The following PTPRM variants were observed in gnomAD, a reference collection of about 807,000 sequenced individuals.
PTPRM encodes protein tyrosine phosphatase receptor type M.
Under a neutral mutation model 186.7 loss-of-function variants are expected in PTPRM, and 47 were observed. The observed-to-expected ratio is 0.25, with a 90% CI of 0.20 to 0.32. The LOEUF (loss-of-function observed/expected upper bound fraction) is 0.32. Among genes scored for constraint, PTPRM ranks in the 10% least tolerant of loss-of-function variants. The pLI is 1.00. For synonymous variants in PTPRM, 668 were observed against 674.9 expected, an observed-to-expected ratio of 0.99 and a Z score of 0.16; for missense variants, 1,494 against 1,865.0, an observed-to-expected ratio of 0.80 and a Z score of 3.66.
chr18:7,913,747 C>A (rs894807686), intron 4 of PTPRM, among the ~76,000 whole-genome samples: 1 of 151,988 alleles, frequency 6.6e-6, no homozygotes, highest in South Asian at 2.1e-4. Flanking sequence ...ATATATGATG[C>A]CTTCAATTCT....
chr18:7,917,383 A>G (rs946948808), intron 4 of PTPRM, among the ~76,000 whole-genome samples: 3 of 151,994 alleles, frequency 2.0e-5, no homozygotes, highest in Non-Finnish European at 2.9e-5. Context: ...AATACAAAAA[A>G]CAATTAGCCA....
chr18:7,772,395 C>CT (rs1246819029), intron 1 of PTPRM, among the ~76,000 whole-genome samples: 2 of 95,918 alleles, frequency 2.1e-5, no homozygotes. Flanking sequence ...TTCTTTCTTT[C>CT]TTTCTTTCTT....
At chr18:8,074,142 AGGCATAC>A (rs1166528782) in intron 8 of PTPRM, among the ~76,000 whole-genome samples, 1 of 152,200 alleles carries the variant, frequency 6.6e-6, no homozygotes, top group African/African-American at 2.4e-5. Flanking sequence ...TCAAAAAAAT[AGGCATAC>A]TATCTATGAG....
At chr18:8,131,622 A>G (rs2092510370) in intron 13 of PTPRM, among the ~76,000 whole-genome samples, 1 of 152,312 alleles carries the variant, frequency 6.6e-6, no homozygotes, top group Admixed American at 6.5e-5. Context: ...TTTCAACAGC[A>G]TCAGTTCTCA....
intron 3 of PTPRM, among the ~76,000 whole-genome samples, chr18:7,905,399 G>T (rs1267170315): frequency 2.6e-5 from 4 of 152,128 alleles, no homozygotes; most frequent in Admixed American, 6.5e-5. Flanking sequence ...CTCTTCTCTT[G>T]CTTCTCCAAT....
At chr18:8,103,823 A>T (rs896242678) in intron 11 of PTPRM, among the ~76,000 whole-genome samples, 1 of 152,264 alleles carries the variant, frequency 6.6e-6, no homozygotes, top group South Asian at 2.1e-4. Flanking sequence ...GGCTTTTGAC[A>T]TGCCTTCCTC....
At chr18:7,723,627 C>CG in intron 1 of PTPRM, among the ~76,000 whole-genome samples, 1 of 152,264 alleles carries the variant, frequency 6.6e-6, no homozygotes, top group South Asian at 2.1e-4. Flanking sequence ...CTCTGCCCAC[C>CG]AGCTTGTAGG....
chr18:7,793,733 G>A (rs1322212286), intron 2 of PTPRM, among the ~76,000 whole-genome samples: 1 of 152,110 alleles, frequency 6.6e-6, no homozygotes, highest in African/African-American at 2.4e-5. Context: ...TGTGCTCAGG[G>A]ACCTAGGTGA....
At chr18:7,840,075 G>A (rs1172962526) in intron 2 of PTPRM, among the ~76,000 whole-genome samples, 1 of 139,912 alleles carries the variant, frequency 7.1e-6, no homozygotes, top group African/African-American at 2.6e-5. Flanking sequence ...GGGGTGGGGG[G>A]TGGGGTGGAG....
At chr18:7,608,473 C>G (rs1195231750) in intron 1 of PTPRM, among the ~76,000 whole-genome samples, 1 of 152,012 alleles carries the variant, frequency 6.6e-6, no homozygotes, top group Non-Finnish European at 1.5e-5. Context: ...CTTTTTCTTT[C>G]CTTTGAAGCT....
chr18:7,864,951 T>G (rs952216947), intron 2 of PTPRM, among the ~76,000 whole-genome samples: 2 of 152,178 alleles, frequency 1.3e-5, no homozygotes, highest in Admixed American at 1.3e-4. Context: ...TTTATTTTCC[T>G]TGTAGCAATT....
At chr18:8,298,863 T>G (rs2095124753) in intron 20 of PTPRM, among the ~76,000 whole-genome samples, 1 of 152,130 alleles carries the variant, frequency 6.6e-6, no homozygotes. Context: ...CTTGTAATCT[T>G]AGCACTTTGA....
At chr18:8,356,937 G>C (rs887473952) in intron 23 of PTPRM, among the ~76,000 whole-genome samples, 1 of 152,232 alleles carries the variant, frequency 6.6e-6, no homozygotes, top group Non-Finnish European at 1.5e-5. Flanking sequence ...GTTTATATGA[G>C]AGATATTTTC....
intron 21 of PTPRM, 67 bp from the exon 22 acceptor site, chr18:8,319,111 A>G (rs2095329157): frequency 9.1e-7 from 1 of 1,099,326 alleles, no homozygotes; most frequent in Non-Finnish European, 1.4e-6. Flanking sequence ...CAGCAAAGTT[A>G]GCATGCGACT....
intron 1 of PTPRM, among the ~76,000 whole-genome samples, chr18:7,592,025 A>C (rs1336303374): frequency 6.6e-6 from 1 of 152,204 alleles, no homozygotes; most frequent in Non-Finnish European, 1.5e-5. Context: ...CAGCATTATC[A>C]CAACAGTAAT....
At chr18:7,833,722 G>A (rs2377576) in intron 2 of PTPRM, among the ~76,000 whole-genome samples, 79,270 of 151,462 alleles carry the variant, frequency 0.52, 22,606 homozygotes, top group East Asian at 0.8. Context: ...CCACAAGAGC[G>A]AGACTCTGTC....
chr18:8,386,002 C>T (rs907818605), intron 30 of PTPRM, among the ~76,000 whole-genome samples: 2 of 152,028 alleles, frequency 1.3e-5, no homozygotes, highest in African/African-American at 4.8e-5. Flanking sequence ...TGGGCTCTCA[C>T]GGTTCCTGTC....
chr18:7,667,133 G>A lies in PTPRM; in HGVS notation c.73+99242G>A, dbSNP rs547070523. Among the ~76,000 whole-genome samples the A allele has an allele frequency of 3.3e-5, 5 of 152,308 alleles. No individual in the cohort carries two copies. In the South Asian group the frequency reaches 8.3e-4, roughly 25 times the overall value. On this transcript the variant is annotated intron_variant, in intron 1 of 32. Transcript: ENST00000580170. ...TTACGACTGTGTGTTGTCTCTGGCT[G>A]TACATTTACATTTTGTGTCAGGTAT... is the stretch of plus-strand genomic sequence containing the variant.
intron 7 of PTPRM, chr18:8,017,665 A>G (rs1222238419): frequency 2.0e-5 from 3 of 152,058 alleles, no homozygotes; most frequent in Non-Finnish European, 2.9e-5. Flanking sequence ...TTTACAAAGC[A>G]TATTTCCAGT....
Sources: gnomAD v4.1 joint callset for allele counts (sites outside exome capture counted in the v4.1 genomes callset) on GRCh38, gnomAD v4.1.1 for gene constraint, MANE v1.5 for transcripts, NCBI Gene and HGNC (gene_info 2026-07-23, HGNC 2026-07-21) for gene names.